PDE4DIP: variants seen among roughly 807,000 people sequenced by gnomAD.
PDE4DIP encodes phosphodiesterase 4D interacting protein.
PDE4DIP carries 59 observed loss-of-function variants against 221.4 expected under a neutral mutation model. The ratio of observed to expected loss-of-function variants is 0.27; its 90% confidence interval spans 0.22 to 0.33. The LOEUF (loss-of-function observed/expected upper bound fraction) is 0.33. PDE4DIP is among the 10% of genes least tolerant of loss of function. PDE4DIP has a pLI of 1.00. For synonymous variants in PDE4DIP, 404 were observed against 815.9 expected, an observed-to-expected ratio of 0.50 and a Z score of 8.60; for missense variants, 1,036 against 2,154.2, an observed-to-expected ratio of 0.48 and a Z score of 10.28.
chr1:149,009,835 G>A (rs782432660), intron 30 of PDE4DIP, 44 bp downstream of exon 33: 1 of 1,350,112 alleles, frequency 7.4e-7, no homozygotes, highest in Non-Finnish European at 1.1e-6. Flanking sequence ...TCTAGGCTGA[G>A]TGGAGAACTC....
At chr1:148,816,978 A>T in intron 1 of PDE4DIP, among the ~76,000 whole-genome samples, 1 of 92,500 alleles carries the variant, frequency 1.1e-5, no homozygotes, top group Non-Finnish European at 2.5e-5. Flanking sequence ...TTTTTCCTTC[A>T]GCTCTTTAAA....
chr1:148,948,404 A>G (rs1401898760), intron 5 of PDE4DIP, among the ~76,000 whole-genome samples: 6 of 151,210 alleles, frequency 4.0e-5, no homozygotes, highest in South Asian at 2.1e-4. Context: ...CCCGGGAGGC[A>G]GAGGTTGCAG....
At chr1:149,028,520 A>C in intron 40 of PDE4DIP, 40 bp from the exon 44 acceptor site, 8 of 1,590,614 alleles carry the variant, frequency 5.0e-6, no homozygotes, top group Non-Finnish European at 6.9e-6. Flanking sequence ...CAGGGGGAAG[A>C]AAGTAATCTC....
At chr1:148,951,661 TAAAA>T (rs1553488608) in intron 5 of PDE4DIP, among the ~76,000 whole-genome samples, 1 of 151,756 alleles carries the variant, frequency 6.6e-6, no homozygotes, top group African/African-American at 2.4e-5. Flanking sequence ...GCTGCATCCT[TAAAA>T]AAGCCCATTT....
chr1:148,962,370 C>T, intron 8 of PDE4DIP, 58 bp from the exon 12 acceptor site: 2 of 1,452,496 alleles, frequency 1.4e-6, no homozygotes, highest in East Asian at 2.3e-5. Flanking sequence ...TATTTTTAGT[C>T]TTTGTGGGAG....
intron 23 of PDE4DIP, among the ~76,000 whole-genome samples, chr1:148,999,729 C>T (rs1314361739): frequency 6.6e-6 from 1 of 151,784 alleles, no homozygotes; most frequent in Non-Finnish European, 1.5e-5. Context: ...TATTGTTGAA[C>T]CTACAATCAA....
At chr1:148,953,065 T>C in intron 5 of PDE4DIP, 1 of 1,614,098 alleles carries the variant, frequency 6.2e-7, no homozygotes, top group East Asian at 2.2e-5. Context: ...GCATTGCCAG[T>C]ATGTATCGGA....
At position 148,981,346 on chromosome 1, in the gene PDE4DIP, G is replaced by T; in HGVS notation, c.2764G>T (p.Gly922Ter). 6.2e-7 allele frequency: 1 copy of T among 1,614,044 alleles called. No homozygotes were observed. Among genetic ancestry groups the T allele is most frequent in the South Asian group, 1.1e-5 (1 of 91,084 alleles). The change falls in exon 21 of 44, where the codon GGA (glycine) becomes TGA (stop). Residue 922 changes from glycine (G) to a stop codon, truncating the protein, a stop_gained. Coordinates refer to ENST00000369354, the Ensembl canonical transcript of PDE4DIP. LOFTEE classifies it high-confidence loss of function. ...ACGCAGTCGGCTAGAAGAAGTTCTTGGAAGAAGCTTGGAGCGCTTAAACAG... is the reference window on the plus strand; with the variant it reads ...ACGCAGTCGGCTAGAAGAAGTTCTTTGAAGAAGCTTGGAGCGCTTAAACAG...
chr1:148,999,485 A>G (rs1553571745), intron 23 of PDE4DIP, among the ~76,000 whole-genome samples: 1 of 152,216 alleles, frequency 6.6e-6, no homozygotes, highest in Admixed American at 6.5e-5. Context: ...AAGGTTGCAT[A>G]ATATCTGTGG....
chr1:148,963,367 G>A (rs1361621227), intron 9 of PDE4DIP, among the ~76,000 whole-genome samples: 1 of 152,198 alleles, frequency 6.6e-6, no homozygotes, highest in Non-Finnish European at 1.5e-5. Flanking sequence ...GCCGTATTGA[G>A]TTGTACCCTG....
chr1:148,934,407 T>C (rs1373613139), intron 4 of PDE4DIP, among the ~76,000 whole-genome samples: 8 of 151,990 alleles, frequency 5.3e-5, no homozygotes, highest in Non-Finnish European at 1.0e-4. Context: ...TCAGATGACC[T>C]TGAACAATTT....
intron 21 of PDE4DIP, chr1:148,986,319 A>G (rs2061897804): frequency 6.6e-6 from 1 of 152,166 alleles, no homozygotes; most frequent in Admixed American, 6.6e-5. Flanking sequence ...AAAGCTGTGT[A>G]TTTTTCATTT....
At chr1:148,874,823 T>C (rs1690457357) in intron 3 of PDE4DIP, among the ~76,000 whole-genome samples, 1 of 135,922 alleles carries the variant, frequency 7.4e-6, no homozygotes, top group Non-Finnish European at 1.6e-5. Flanking sequence ...CTAACTGTAC[T>C]CTGCAGCTTT....
In PDE4DIP at chr1:148,893,065, CTGTGTG is replaced by C. The variant is rs60364665; in HGVS notation, c.141+3203_141+3208del. Among the ~76,000 whole-genome samples the C allele has an allele frequency of 1.0e-2, 775 of 77,688 alleles. 4 individuals carry two copies. Among genetic ancestry groups the C allele is most frequent in the East Asian group, 0.06 (121 of 2,010 alleles). The allele number at this position is 77,688 out of a possible 152,430, so 51.0% of individuals were successfully genotyped here. A position where few individuals can be genotyped will look rare whatever the true frequency, so the allele number is the denominator to read the frequency against. Reference sequence around the variant, plus strand: ...ATTATTTATATATATATGTGTGTGTCTGTGTGTGTGTGTGTGTGTGTGTGTGTGTGT... The same window carrying C: ...ATTATTTATATATATATGTGTGTGTCTGTGTGTGTGTGTGTGTGTGTGTGT... On this transcript the variant is annotated intron_variant, in intron 1 of 43. Coordinates refer to ENST00000369354, the Ensembl canonical transcript of PDE4DIP.
At chr1:148,827,271 T>C (rs1480447632) in intron 1 of PDE4DIP, among the ~76,000 whole-genome samples, 15 of 102,782 alleles carry the variant, frequency 1.5e-4, no homozygotes, top group African/African-American at 4.8e-4. Flanking sequence ...TTTTTTTTTT[T>C]TGAGACAGAG....
chr1:148,950,406 G>C (rs2052863186), intron 5 of PDE4DIP, among the ~76,000 whole-genome samples: 2 of 152,270 alleles, frequency 1.3e-5, no homozygotes, highest in African/African-American at 4.8e-5. Context: ...CTTGGTTTTT[G>C]AGTCAGAATA....
chr1:148,987,172 A>G (rs1470640792), intron 21 of PDE4DIP, among the ~76,000 whole-genome samples: 15 of 152,298 alleles, frequency 9.8e-5, no homozygotes, highest in Non-Finnish European at 1.9e-4. Context: ...AGATGTTGCA[A>G]TTTAAAGACA....
chr1:148,922,730 G>A (rs1341472037), intron 1 of PDE4DIP, among the ~76,000 whole-genome samples: 1 of 149,676 alleles, frequency 6.7e-6, no homozygotes, highest in Non-Finnish European at 1.5e-5. Context: ...TGGGACTACA[G>A]GTGCCCGCCA....
intron 17 of PDE4DIP, among the ~76,000 whole-genome samples, chr1:148,974,896 G>T (rs1320042820): frequency 3.6e-5 from 3 of 83,614 alleles, no homozygotes; most frequent in Non-Finnish European, 7.2e-5. Context: ...GGGTGCAGTG[G>T]CTCATGCCTG....
Sources: allele counts gnomAD v4.1 joint callset (sites outside exome capture counted in the v4.1 genomes callset), GRCh38; gene constraint gnomAD v4.1.1; transcripts MANE v1.5; gene names NCBI Gene and HGNC (gene_info 2026-07-23, HGNC 2026-07-21).